The following ZMIZ1 variants were observed in gnomAD, a reference collection of about 807,000 sequenced individuals.
ZMIZ1 encodes the protein zinc finger MIZ domain-containing protein 1.
ZMIZ1 carries 17 observed loss-of-function variants against 113.9 expected under a neutral mutation model. The ratio of observed to expected loss-of-function variants is 0.15; its 90% CI spans 0.10 to 0.22. The LOEUF (loss-of-function observed/expected upper bound fraction) is 0.22, where lower values mean the gene tolerates loss of function less well. ZMIZ1 is among the 10% of genes least tolerant of loss of function. The pLI is 1.00. For synonymous variants in ZMIZ1, 607 were observed against 603.1 expected (o/e 1.01, Z -0.09); for missense variants, 1,059 against 1,477.8 (o/e 0.72, Z 4.65).
intron 4 of ZMIZ1, among the ~76,000 whole-genome samples, chr10:79,191,638 CCT>C (rs1847608830): frequency 6.6e-6 from 1 of 152,212 alleles, no homozygotes; most frequent in Non-Finnish European, 1.5e-5. Context: ...GTGCTAGTCA[CCT>C]TCCTCTCACT....
intron 3 of ZMIZ1, among the ~76,000 whole-genome samples, chr10:79,151,932 C>T (rs1256070597): frequency 6.6e-6 from 1 of 152,164 alleles, no homozygotes. Flanking sequence ...GTGCTGGCTC[C>T]TCCCGCCTGT....
At position 79,069,381 on chromosome 10, in the gene ZMIZ1, A is replaced by C. The variant is rs1842168328; in HGVS notation, c.-337+111A>C. On this transcript the variant is annotated intron_variant, in intron 1 of 24. Coordinates refer to ENST00000334512, the MANE Select transcript of ZMIZ1 (RefSeq NM_020338.4). The surrounding 1 kb of genome is among the most constrained non-coding windows in gnomAD (Gnocchi z 4.6). ...TTGGGTGCTGGGGTTTTTCCCTTAA[A>C]GTGTCCCCCGGAGCGGGGCGACCGG... The C allele has an allele frequency of 2.0e-5, 3 of 148,972 alleles. No homozygotes were observed. Among genetic ancestry groups the C allele is most frequent in the Non-Finnish European group, 4.5e-5 (3 of 67,016 alleles). The allele number at this position is 148,972 out of a possible 1,614,324, so 9.2% of individuals were successfully genotyped here.
chr10:79,206,316 G>C (rs902121996), intron 5 of ZMIZ1, among the ~76,000 whole-genome samples: 2 of 152,206 alleles, frequency 1.3e-5, no homozygotes, highest in African/African-American at 4.8e-5. Flanking sequence ...AAAGTGGGGT[G>C]CTGTGACCAG....
At chr10:79,288,735 C>G (rs951594423) in intron 8 of ZMIZ1, among the ~76,000 whole-genome samples, 2 of 152,164 alleles carry the variant, frequency 1.3e-5, no homozygotes, top group African/African-American at 4.8e-5. Context: ...GGTCTTCATG[C>G]CCTGCCCCTT....
chr10:79,147,611 T>G (rs1845544190), intron 3 of ZMIZ1, among the ~76,000 whole-genome samples: 1 of 152,148 alleles, frequency 6.6e-6, no homozygotes, highest in South Asian at 2.1e-4. Context: ...TGTGACATAT[T>G]TTCTTCCCAT....
intron 7 of ZMIZ1, among the ~76,000 whole-genome samples, chr10:79,253,705 T>C (rs1184100471): frequency 6.6e-6 from 1 of 152,152 alleles, no homozygotes; most frequent in Non-Finnish European, 1.5e-5. Flanking sequence ...GGCAGCGCCC[T>C]GGGGAATTTG....
In ZMIZ1 at chr10:79,293,517, T is replaced by C. The variant is rs773131275; in HGVS notation, c.1094T>C (p.Met365Thr). ...CCCTCGGGGATGAGCGGCCCTCCCA[T>C]GGGCATGAACCAGCCCCGGCCGCCC... ...MTPSGMSGPP[M>T]GMNQPRPPGI... Residue 365 changes from methionine to threonine, a missense_variant, in exon 12 of 25, where the codon ATG becomes ACG. This residue lies in a region of ZMIZ1 where 83 missense variants were observed against 103.7 expected (regional missense o/e 0.80). Coordinates refer to ENST00000334512, the MANE Select transcript of ZMIZ1 (RefSeq NM_020338.4). The C allele has an allele frequency of 6.2e-7, 1 of 1,604,422 alleles. No homozygotes were observed. The highest frequency in any genetic ancestry group is 2.2e-5 in the East Asian group (1 of 44,618).
In ZMIZ1 at chr10:79,306,081, G is replaced by A; in HGVS notation, c.2424-19G>A. On this transcript the variant is annotated intron_variant, in intron 21 of 24. Transcript: ENST00000334512. ...CCAGGCACCCCGGAGCCTCAGCTCTGCCACCCTTCCTCCCCCAGCTCCGAG... is the reference window on the plus strand; with the variant it reads ...CCAGGCACCCCGGAGCCTCAGCTCTACCACCCTTCCTCCCCCAGCTCCGAG... 1 of 1,606,432 alleles carries A rather than the reference G, an allele frequency of 6.2e-7. No individual in the cohort carries two copies.
chr10:79,223,185 C>T (rs554304902), intron 7 of ZMIZ1, among the ~76,000 whole-genome samples: 40 of 152,258 alleles, frequency 2.6e-4, no homozygotes, highest in Non-Finnish European at 4.4e-4. Flanking sequence ...CCAGAGCTGT[C>T]TCTCTAAGAC....
At chr10:79,190,409 T>C (rs1314448782) in intron 4 of ZMIZ1, among the ~76,000 whole-genome samples, 2 of 152,202 alleles carry the variant, frequency 1.3e-5, no homozygotes, top group African/African-American at 4.8e-5. Context: ...CAGGCCTCCG[T>C]TTCCTCATCT....
intron 1 of ZMIZ1, among the ~76,000 whole-genome samples, chr10:79,088,286 TCGGCAA>T (rs1168905165): frequency 2.0e-5 from 3 of 152,230 alleles, no homozygotes; most frequent in African/African-American, 7.2e-5. Flanking sequence ...GAGAATTGGC[TCGGCAA>T]CAGCAGCCTG....
intron 7 of ZMIZ1, among the ~76,000 whole-genome samples, chr10:79,218,295 G>T (rs746304792): frequency 6.6e-6 from 1 of 152,120 alleles, no homozygotes; most frequent in Non-Finnish European, 1.5e-5. Context: ...GTAACATGGC[G>T]AAACCCCATA....
intron 7 of ZMIZ1, among the ~76,000 whole-genome samples, chr10:79,254,573 C>T (rs182514221): frequency 1.3e-5 from 2 of 152,374 alleles, no homozygotes; most frequent in Admixed American, 1.3e-4. Flanking sequence ...AACTAAAGCT[C>T]ACAAAAGTAC....
intron 7 of ZMIZ1, among the ~76,000 whole-genome samples, chr10:79,237,243 A>G (rs910510989): frequency 4.6e-5 from 7 of 152,216 alleles, no homozygotes; most frequent in Non-Finnish European, 7.3e-5. Context: ...GATGACGGAG[A>G]CTGGAGGCTG....
At chr10:79,278,795 T>A (rs1852480073) in intron 8 of ZMIZ1, among the ~76,000 whole-genome samples, 4 of 152,244 alleles carry the variant, frequency 2.6e-5, no homozygotes, top group African/African-American at 9.6e-5. Context: ...CAGAAGAATT[T>A]TTCTTAGTAC....
At chr10:79,240,405 G>A (rs1236459660) in intron 7 of ZMIZ1, among the ~76,000 whole-genome samples, 1 of 152,176 alleles carries the variant, frequency 6.6e-6, no homozygotes, top group Non-Finnish European at 1.5e-5. Context: ...GTTGGAACTC[G>A]GAACAAGTGG....
chr10:79,134,028 T>C (rs1844885873), intron 2 of ZMIZ1, among the ~76,000 whole-genome samples: 1 of 152,228 alleles, frequency 6.6e-6, no homozygotes, highest in Non-Finnish European at 1.5e-5. Flanking sequence ...TAGCTGATTA[T>C]CGGATTTTAT....
chr10:79,089,233 C>T (rs961003174), intron 1 of ZMIZ1, among the ~76,000 whole-genome samples: 12 of 152,214 alleles, frequency 7.9e-5, no homozygotes, highest in African/African-American at 1.9e-4. Flanking sequence ...GGTCCACGGC[C>T]GGAGCCTCCG....
intron 7 of ZMIZ1, among the ~76,000 whole-genome samples, chr10:79,225,570 A>T (rs577853333): frequency 1.0e-3 from 153 of 152,034 alleles, no homozygotes; most frequent in Non-Finnish European, 1.4e-3. Context: ...CTACAAAAAA[A>T]TTTTTTTAAT....
Sources: gnomAD v4.1 joint callset for allele counts (sites outside exome capture counted in the v4.1 genomes callset) on GRCh38, gnomAD v4.1.1 for gene constraint, gnomAD v4.1.1 regional missense constraint, Gnocchi (gnomAD v3.1) non-coding constraint, MANE v1.5 for transcripts, NCBI Gene and HGNC (gene_info 2026-07-23, HGNC 2026-07-21) for gene names.